ERBB4: variants seen among roughly 807,000 people sequenced by gnomAD.
ERBB4 encodes erb-b2 receptor tyrosine kinase 4.
A neutral mutation model predicts 158.0 loss-of-function variants in ERBB4; 42 were observed. That is an observed-to-expected ratio of 0.27 (90% confidence interval 0.21 to 0.34). The LOEUF (loss-of-function observed/expected upper bound fraction) is 0.34, where lower values mean the gene tolerates loss of function less well. Among genes scored for constraint, ERBB4 ranks in the 10% least tolerant of loss-of-function variants. ERBB4 has a pLI of 1.00. For synonymous variants in ERBB4, 583 were observed against 558.7 expected (o/e 1.04, Z -0.61); for missense variants, 1,333 against 1,624.1 (o/e 0.82, Z 3.08).
At chr2:211,744,972 T>C (rs1395345876) in intron 5 of ERBB4, among the ~76,000 whole-genome samples, 1 of 152,218 alleles carries the variant, frequency 6.6e-6, no homozygotes, top group Admixed American at 6.5e-5. Flanking sequence ...GTAAATAACA[T>C]CTGATTGTAT....
intron 1 of ERBB4, among the ~76,000 whole-genome samples, chr2:212,486,423 A>G (rs1161587393): frequency 6.6e-6 from 1 of 152,162 alleles, no homozygotes; most frequent in African/African-American, 2.4e-5. Context: ...ATGAGCTTTC[A>G]ATATAAATAA....
At chr2:212,337,102 CT>C (rs1017638316) in intron 1 of ERBB4, among the ~76,000 whole-genome samples, 1 of 151,816 alleles carries the variant, frequency 6.6e-6, no homozygotes, top group Admixed American at 6.6e-5. Context: ...CATTTATTAT[CT>C]TTTTTTTCCA....
intron 1 of ERBB4, among the ~76,000 whole-genome samples, chr2:212,219,806 G>A (rs1347939107): frequency 6.6e-6 from 1 of 151,198 alleles, no homozygotes; most frequent in Non-Finnish European, 1.5e-5. Flanking sequence ...ACACTCTTAG[G>A]AGCAAAATAG....
chr2:211,730,607 C>T (rs184487637), intron 5 of ERBB4, among the ~76,000 whole-genome samples: 16 of 152,116 alleles, frequency 1.1e-4, no homozygotes, highest in Admixed American at 1.0e-3. Flanking sequence ...GTAAGTAAAA[C>T]TTTTCATTCA....
At chr2:211,465,980 T>C (rs2064676439) in intron 20 of ERBB4, among the ~76,000 whole-genome samples, 1 of 152,136 alleles carries the variant, frequency 6.6e-6, no homozygotes, top group Non-Finnish European at 1.5e-5. Flanking sequence ...GGTCAGACCC[T>C]TTTTGCTGTC....
At chr2:211,627,310 T>C (rs1452270960) in intron 17 of ERBB4, among the ~76,000 whole-genome samples, 1 of 152,248 alleles carries the variant, frequency 6.6e-6, no homozygotes, top group Non-Finnish European at 1.5e-5. Context: ...AAACTTTCAT[T>C]CACATGTGCA....
chr2:211,703,306 A>C (rs1172019863), intron 11 of ERBB4, among the ~76,000 whole-genome samples: 3 of 152,164 alleles, frequency 2.0e-5, no homozygotes, highest in Non-Finnish European at 4.4e-5. Context: ...ACTTTAATAG[A>C]TTGTATCTTT....
At chr2:212,011,043 A>G (rs1441989168) in intron 2 of ERBB4, among the ~76,000 whole-genome samples, 1 of 152,068 alleles carries the variant, frequency 6.6e-6, no homozygotes, top group Non-Finnish European at 1.5e-5. Context: ...GTTCTTTTTC[A>G]AGGTGGACTG....
chr2:211,785,509 AG>A (rs1397404289), intron 4 of ERBB4, among the ~76,000 whole-genome samples: 1 of 152,110 alleles, frequency 6.6e-6, no homozygotes. Flanking sequence ...AGGGTCATAA[AG>A]CTTTCCCCCT....
At chr2:212,491,100 G>C (rs577222456) in intron 1 of ERBB4, among the ~76,000 whole-genome samples, 2 of 151,490 alleles carry the variant, frequency 1.3e-5, no homozygotes, top group African/African-American at 4.8e-5. Context: ...AGCATCTGAG[G>C]CTGTCTCTGT....
chr2:212,318,534 C>A (rs2087400196), intron 1 of ERBB4, among the ~76,000 whole-genome samples: 1 of 150,364 alleles, frequency 6.7e-6, no homozygotes. Flanking sequence ...GAGAAAAAGA[C>A]AAAAAAAAAT....
rs1343847346 is a variant in ERBB4 at position 212,249,008 on chromosome 2, T to G, written c.83-124105A>C. Among the ~76,000 whole-genome samples, 6 of 152,280 alleles carry G rather than the reference T, an allele frequency of 3.9e-5. No homozygotes were observed. In the East Asian group the frequency reaches 1.2e-3, roughly 29 times the overall value. On this transcript the variant is annotated intron_variant, in intron 1 of 27. Coordinates refer to ENST00000342788, the MANE Select transcript of ERBB4 (RefSeq NM_005235.3). Reference sequence around the variant, plus strand: ...GGGAGTGGGGTATTCCATTACATAGTCAAATGCCTGATTTCTACAATGTAA... The same window carrying G: ...GGGAGTGGGGTATTCCATTACATAGGCAAATGCCTGATTTCTACAATGTAA...
intron 20 of ERBB4, among the ~76,000 whole-genome samples, chr2:211,535,051 C>G (rs2066608259): frequency 6.6e-6 from 1 of 152,068 alleles, no homozygotes; most frequent in African/African-American, 2.4e-5. Flanking sequence ...CTTTGAGAAG[C>G]TATGTGCTCC....
At chr2:212,018,610 T>A (rs2076578585) in intron 2 of ERBB4, among the ~76,000 whole-genome samples, 1 of 152,158 alleles carries the variant, frequency 6.6e-6, no homozygotes, top group Admixed American at 6.6e-5. Context: ...AAATACTAGG[T>A]ATAGAGAAAT....
At chr2:211,870,617 C>A (rs1260558175) in intron 3 of ERBB4, among the ~76,000 whole-genome samples, 1 of 152,040 alleles carries the variant, frequency 6.6e-6, no homozygotes, top group South Asian at 2.1e-4. Flanking sequence ...AATATAACAA[C>A]CTTGGCATAA....
rs1424468013 is a variant in ERBB4, at chr2:211,383,836, C to T, written c.3706G>A (p.Ala1236Thr). ...TTCCAGTAGTCAGGGTTGTCAAACG[C>T]TTTCTTGGCCTTCTCTGGCATTGAC... The part of the protein sequence containing the change: ...ILSMPEKAKK[A>T]FDNPDYWNHS... The change falls in exon 28 of 28, where the codon GCG (alanine) becomes ACG (threonine). Residue 1236 changes from alanine (A) to threonine (T), a missense_variant. Ala to Thr is a moderately conservative substitution (Grantham distance 58, BLOSUM62 0). Around this residue, in one of 5 missense-constraint regions of ERBB4, gnomAD observed 84 missense variants for 110.8 expected, o/e 0.76. Transcript: ENST00000342788. 3 of 1,614,036 alleles carry T rather than the reference C, an allele frequency of 1.9e-6. No homozygotes were observed. The highest frequency in any genetic ancestry group is 3.3e-5 in the Admixed American group (2 of 59,996).
intron 19 of ERBB4, among the ~76,000 whole-genome samples, chr2:211,605,004 C>G (rs191895018): frequency 6.6e-6 from 1 of 152,232 alleles, no homozygotes; most frequent in East Asian, 1.9e-4. Context: ...AAAGTTGGCA[C>G]TAATTATGTA....
At position 211,428,396 on chromosome 2, in the gene ERBB4, A is replaced by T. The variant is rs759947476; in HGVS notation, c.2719+12T>A. The T allele has an allele frequency of 6.0e-6, 9 of 1,491,484 alleles. No homozygotes were observed. In the African/African-American group the frequency reaches 8.3e-5, roughly 14 times the overall value. 92.4% of individuals were successfully genotyped at this position (1,491,484 alleles called of 1,614,324 possible). A position where few individuals can be genotyped will look rare whatever the true frequency, so the allele number is the denominator to read the frequency against. On this transcript the variant is annotated intron_variant, in intron 22 of 27. Coordinates refer to ENST00000342788, the MANE Select transcript of ERBB4 (RefSeq NM_005235.3). ...CTTTACAAGCTTTAATTCGCAAAGA[A>T]GATTTATTTACCATAGCTCCAAACG...
intron 1 of ERBB4, among the ~76,000 whole-genome samples, chr2:212,284,237 T>C (rs2085870843): frequency 6.6e-6 from 1 of 152,140 alleles, no homozygotes; most frequent in African/African-American, 2.4e-5. Flanking sequence ...GTTCCTTTTC[T>C]TCTCTGCACA....
Sources: gnomAD v4.1 joint callset for allele counts (sites outside exome capture counted in the v4.1 genomes callset) on GRCh38, gnomAD v4.1.1 for gene constraint, gnomAD v4.1.1 regional missense constraint, MANE v1.5 for transcripts, NCBI Gene and HGNC (gene_info 2026-07-23, HGNC 2026-07-21) for gene names.